GPHN: variants seen among roughly 807,000 people sequenced by gnomAD.
GPHN encodes gephyrin.
In GPHN, 17 loss-of-function variants were observed where a neutral mutation model predicts 95.5. That is an observed-to-expected ratio of 0.18 (90% CI 0.12 to 0.27). The LOEUF (loss-of-function observed/expected upper bound fraction) is 0.27, where lower values mean the gene tolerates loss of function less well. Among genes scored for constraint, GPHN ranks in the 10% least tolerant of loss-of-function variants. The probability of loss-of-function intolerance (pLI) is 1.00; values close to 1 mark genes in which losing one functional copy is unlikely to be tolerated. For missense variants in GPHN, 660 were observed against 978.1 expected, an observed-to-expected ratio of 0.67 and a Z score of 4.34; for synonymous variants, 320 against 322.5, an observed-to-expected ratio of 0.99 and a Z score of 0.08.
the GPHN span, chr14:67,380,687 T>G: frequency 6.3e-7 from 1 of 1,581,708 alleles, no homozygotes; most frequent in African/African-American, 1.4e-5. Flanking sequence ...TAGTTTAGAT[T>G]TGAATGAAGA....
chr14:66,950,761 T>G (rs2068055237), intron 8 of GPHN, among the ~76,000 whole-genome samples: 1 of 152,168 alleles, frequency 6.6e-6, no homozygotes, highest in Admixed American at 6.5e-5. Context: ...TAGATAAGAT[T>G]AATATCCTTT....
chr14:67,161,327 A>G (rs953630085), intron 19 of GPHN, among the ~76,000 whole-genome samples: 1 of 151,724 alleles, frequency 6.6e-6, no homozygotes, highest in Non-Finnish European at 1.5e-5. Flanking sequence ...GAAAGAAACT[A>G]TTGGATTTTG....
the GPHN span, chr14:67,189,355 T>A: frequency 6.6e-6 from 1 of 152,158 alleles, no homozygotes; most frequent in Non-Finnish European, 1.5e-5. Flanking sequence ...CTGCAGAGAC[T>A]ATGTCAGCAC....
chr14:67,055,416 C>G (rs2075513321), intron 10 of GPHN, among the ~76,000 whole-genome samples: 1 of 152,180 alleles, frequency 6.6e-6, no homozygotes, highest in Admixed American at 6.5e-5. Flanking sequence ...CAAGAAACAA[C>G]AGATGCTGGC....
intron 8 of GPHN, among the ~76,000 whole-genome samples, chr14:66,939,037 A>G (rs528698157): frequency 6.6e-6 from 1 of 152,226 alleles, no homozygotes; most frequent in African/African-American, 2.4e-5. Flanking sequence ...ATATACAAAA[A>G]TTAATTCAAA....
chr14:67,061,862 A>G (rs1005029101), intron 11 of GPHN, among the ~76,000 whole-genome samples: 1 of 152,088 alleles, frequency 6.6e-6, no homozygotes, highest in Admixed American at 6.5e-5. Context: ...ACTTCTCTAC[A>G]TATTAACTAC....
the GPHN span, among the ~76,000 whole-genome samples, chr14:67,502,223 C>T: frequency 7.9e-4 from 120 of 151,668 alleles, no homozygotes; most frequent in East Asian, 2.6e-3. Flanking sequence ...CCCAGCTACT[C>T]GGGAGGCTGA....
the GPHN span, among the ~76,000 whole-genome samples, chr14:67,449,356 A>G: frequency 2.0e-5 from 3 of 152,148 alleles, no homozygotes; most frequent in African/African-American, 2.4e-5. Context: ...GCCCTCTCAG[A>G]GCCCAGAAGC....
At chr14:66,779,597 A>G (rs115958952) in intron 3 of GPHN, among the ~76,000 whole-genome samples, 116 of 152,316 alleles carry the variant, frequency 7.6e-4, no homozygotes, top group African/African-American at 2.6e-3. Flanking sequence ...TTATGGAAAT[A>G]CATAGAAGGG....
the GPHN span, among the ~76,000 whole-genome samples, chr14:67,234,649 A>G: frequency 6.6e-6 from 1 of 152,060 alleles, no homozygotes; most frequent in South Asian, 2.1e-4. Context: ...CACTGGGTTC[A>G]AGCGATTCTC....
the GPHN span, chr14:67,392,853 GC>G: frequency 1.9e-6 from 3 of 1,606,252 alleles, no homozygotes; most frequent in African/African-American, 4.0e-5. Context: ...GAGGAGCCTG[GC>G]CAAGGGCAGC....
chr14:67,418,469 G>A, the GPHN span, among the ~76,000 whole-genome samples: 1 of 152,170 alleles, frequency 6.6e-6, no homozygotes, highest in Non-Finnish European at 1.5e-5. Context: ...ATTGACTCAG[G>A]TTTGGTCTTG....
chr14:67,486,672 A>G, the GPHN span, among the ~76,000 whole-genome samples: 1 of 152,104 alleles, frequency 6.6e-6, no homozygotes, highest in Non-Finnish European at 1.5e-5. Context: ...GCCTTCCACC[A>G]TGATTGTGAG....
chr14:66,576,761 T>G (rs766310016), intron 1 of GPHN, among the ~76,000 whole-genome samples: 6 of 152,196 alleles, frequency 3.9e-5, no homozygotes, highest in Admixed American at 3.9e-4. Flanking sequence ...CTATTATGAT[T>G]AAGAGTAGTA....
At chr14:66,570,712 G>A (rs747428647) in intron 1 of GPHN, among the ~76,000 whole-genome samples, 2 of 152,098 alleles carry the variant, frequency 1.3e-5, no homozygotes, top group African/African-American at 2.4e-5. Context: ...CATTGTGGCT[G>A]TACTAATTCA....
At chr14:67,336,043 A>AAAGAT in the GPHN span, 1 of 152,292 alleles carries the variant, frequency 6.6e-6, no homozygotes, top group Non-Finnish European at 1.5e-5. Flanking sequence ...TAAGTGTATT[A>AAAGAT]AAGATGGACA....
At chr14:66,915,759 G>A (rs2065865562) in intron 5 of GPHN, among the ~76,000 whole-genome samples, 1 of 152,122 alleles carries the variant, frequency 6.6e-6, no homozygotes, top group South Asian at 2.1e-4. Context: ...TTGCTTAAAA[G>A]TAGGTAAATT....
chr14:67,051,094 A>G (rs376241540), intron 10 of GPHN, among the ~76,000 whole-genome samples: 483 of 152,264 alleles, frequency 3.2e-3, no homozygotes, highest in African/African-American at 0.011. Flanking sequence ...TTCCTAGGGG[A>G]GGGGGCGGCT....
At chr14:67,376,414 G>T in the GPHN span, 2 of 1,564,948 alleles carry the variant, frequency 1.3e-6, no homozygotes, top group Non-Finnish European at 1.7e-6. Flanking sequence ...TCTTTGAATT[G>T]TTGAGCTTTT....
Sources: gnomAD v4.1 joint callset for allele counts (sites outside exome capture counted in the v4.1 genomes callset) on GRCh38, gnomAD v4.1.1 for gene constraint, MANE v1.5 for transcripts, NCBI Gene and HGNC (gene_info 2026-07-23, HGNC 2026-07-21) for gene names.